The following CEACAM20 variants were observed in gnomAD, a reference collection of about 807,000 sequenced individuals.
CEACAM20 encodes CEA cell adhesion molecule 20, also known as cell adhesion molecule CEACAM20.
In CEACAM20, 50 loss-of-function variants were observed where a neutral mutation model predicts 61.2. That is an observed-to-expected ratio of 0.82 (90% CI 0.65 to 1.03). CEACAM20 has a LOEUF of 1.03. CEACAM20 is among the 50% of genes least tolerant of loss of function. The pLI, the probability that CEACAM20 is intolerant of heterozygous loss-of-function variation, is 0.00. For synonymous variants in CEACAM20, 282 were observed against 287.7 expected (o/e 0.98, Z 0.20); for missense variants, 683 against 736.4 (o/e 0.93, Z 0.84).
chr19:44,510,117 A>G (rs2123551014), intron 11 of CEACAM20, among the ~76,000 whole-genome samples: 1 of 152,276 alleles, frequency 6.6e-6, no homozygotes, highest in South Asian at 2.1e-4. Flanking sequence ...AATGGATAAA[A>G]TGCAATAGAA....
Position 44,529,671 on chromosome 19 carries a change from C to T in CEACAM20, c.-162G>A, listed in dbSNP as rs939267431. On this transcript the variant is annotated 5_prime_UTR_variant, in exon 1 of 12. Transcript: ENST00000614924. ...ACTGCAGTAACTGCAGCTCCCAGGA[C>T]AGACAGGGGTGGTGGCAGGAAAGTA... 3.3e-6 allele frequency: 2 copies of T among 604,158 alleles called. No homozygotes were observed. The highest frequency in any genetic ancestry group is 5.9e-6 in the Non-Finnish European group (2 of 341,544). 37.4% of individuals were successfully genotyped at this position (604,158 alleles called of 1,614,324 possible).
chr19:44,524,994 G>T, intron 2 of CEACAM20, 107 bp downstream of exon 2: 1 of 1,414,026 alleles, frequency 7.1e-7, no homozygotes, highest in Non-Finnish European at 9.7e-7. Flanking sequence ...CTGGACCCTG[G>T]CTGAGCCAAT....
intron 1 of CEACAM20, among the ~76,000 whole-genome samples, chr19:44,529,217 G>A (rs1448511333): frequency 2.6e-5 from 4 of 151,578 alleles, no homozygotes; most frequent in South Asian, 4.2e-4. Context: ...CACCCACCTC[G>A]GCCTCCCAAA....
rs28542853 is a variant in CEACAM20 at position 44,515,718 on chromosome 19, C to T, written c.1309+1228G>A. Among the ~76,000 whole-genome samples the T allele has an allele frequency of 8.9e-3, 1,348 of 152,152 alleles. 24 individuals are homozygous for T. Among genetic ancestry groups the T allele is most frequent in the African/African-American group, 0.03 (1,265 of 41,504 alleles). ...GTGGCTCAAGTCTGTAATCTCAGCA[C>T]GTTGGGAGGCTGAAGCGGGACGATC... On this transcript the variant is annotated intron_variant, in intron 6 of 11. Coordinates refer to ENST00000614924, the MANE Select transcript of CEACAM20 (RefSeq NM_001102597.3).
At position 44,529,636 on chromosome 19, in the gene CEACAM20, T is replaced by A. The variant is rs1971654261; in HGVS notation, c.-127A>T. The A allele has an allele frequency of 2.8e-6, 2 of 703,796 alleles. No homozygotes were observed. Among genetic ancestry groups the A allele is most frequent in the Non-Finnish European group, 4.9e-6 (2 of 407,500 alleles). The allele number at this position is 703,796 out of a possible 1,614,324, so 43.6% of individuals were successfully genotyped here. A position where few individuals can be genotyped will look rare whatever the true frequency, so the allele number is the denominator to read the frequency against. ...TCTCCTCTCCCACCCTGCTACAAAC[T>A]CACACACACACTGCAGTAACTGCAG... On this transcript the variant is annotated 5_prime_UTR_variant, in exon 1 of 12. Transcript: ENST00000614924.
intron 11 of CEACAM20, among the ~76,000 whole-genome samples, chr19:44,510,608 GAAA>G (rs766767904): frequency 0.049 from 3,835 of 78,850 alleles, 211 homozygotes; most frequent in African/African-American, 0.14. Context: ...AAGAAAGAAA[GAAA>G]AAGGAAGGAA....
At chr19:44,517,908 T>A (rs1004995783) in intron 5 of CEACAM20, among the ~76,000 whole-genome samples, 1 of 150,990 alleles carries the variant, frequency 6.6e-6, no homozygotes, top group African/African-American at 2.4e-5. Flanking sequence ...GCGAATCACG[T>A]CTCTACTGAA....
At chr19:44,516,911 C>T (rs370337537) in intron 6 of CEACAM20, 35 bp downstream of exon 6, 45 of 1,568,216 alleles carry the variant, frequency 2.9e-5, no homozygotes, top group Admixed American at 3.8e-5. Context: ...AAAGGCCCCT[C>T]GGGTCCTGGG....
Position 44,520,548 on chromosome 19 carries a change from G to A in CEACAM20, c.956C>T (p.Thr319Ile), listed in dbSNP as rs370728134. Residue 319 changes from threonine (T) to isoleucine (I), a missense_variant, in exon 5 of 12, where the codon ACC (threonine) becomes ATC (isoleucine). By Grantham distance (89) the Thr-to-Ile change is moderately conservative. Coordinates refer to ENST00000614924, the MANE Select transcript of CEACAM20 (RefSeq NM_001102597.3). ...LIIHGLQRND[T>I]GPYACEVWNW... is the part of the protein sequence containing the mutation. ...CCAGACCTCACAGGCATAGGGCCCG[G>A]TGTCATTCCGCTGGAGGCCATGGAT... 3.5e-5 allele frequency: 56 copies of A among 1,614,010 alleles called. No homozygotes were observed. In the Middle Eastern group the frequency reaches 8.3e-4, roughly 24 times the overall value.
intron 8 of CEACAM20, among the ~76,000 whole-genome samples, chr19:44,512,514 G>A (rs1971031914): frequency 6.6e-6 from 1 of 152,176 alleles, no homozygotes; most frequent in South Asian, 2.1e-4. Context: ...GAGGGCACTC[G>A]AGGCACTCTA....
intron 4 of CEACAM20, among the ~76,000 whole-genome samples, chr19:44,522,381 G>C (rs147285220): frequency 0.016 from 2,361 of 152,186 alleles, 56 homozygotes; most frequent in African/African-American, 0.054. Context: ...GGGATTACAG[G>C]CGTGAGCCAC....
rs1971654616 is a variant in CEACAM20 at position 44,529,654 on chromosome 19, A to T, written c.-145T>A. ...TACAAACTCACACACACACTGCAGT[A>T]ACTGCAGCTCCCAGGACAGACAGGG... On this transcript the variant is annotated 5_prime_UTR_variant, in exon 1 of 12. Coordinates refer to ENST00000614924, the MANE Select transcript of CEACAM20 (RefSeq NM_001102597.3). 3 of 655,246 alleles carry T rather than the reference A, an allele frequency of 4.6e-6. No homozygotes were observed. In the African/African-American group the frequency reaches 5.4e-5, roughly 12 times the overall value. 40.6% of individuals were successfully genotyped at this position (655,246 alleles called of 1,614,324 possible). A position where few individuals can be genotyped will look rare whatever the true frequency, so the allele number is the denominator to read the frequency against.
rs368576958 is a variant in CEACAM20, at chr19:44,511,077, G to A, written c.1690C>T (p.Leu564Phe). ...TTTGGCACAGTGGAGACCAATCTGA[G>A]TGGGGGCATCAGAGGTTTGGGTGGT... ...KPPPKPLMPPLRLVSTVPKNM... is the reference protein window; with the variant it reads ...KPPPKPLMPPFRLVSTVPKNM... Residue 564 changes from leucine (L) to phenylalanine (F), a missense_variant, in exon 11 of 12, where the codon CTC (leucine) becomes TTC (phenylalanine). Physicochemically the swap from Leu to Phe is conservative, Grantham distance 22 (BLOSUM62 0). Transcript: ENST00000614924. 1 of 1,613,882 alleles carries A rather than the reference G, an allele frequency of 6.2e-7. No homozygotes were observed. Among genetic ancestry groups the A allele is most frequent in the Non-Finnish European group, 8.5e-7 (1 of 1,179,876 alleles).
intron 4 of CEACAM20, among the ~76,000 whole-genome samples, chr19:44,521,804 T>C (rs928840628): frequency 3.3e-5 from 5 of 152,156 alleles, no homozygotes; most frequent in Admixed American, 6.5e-5. Context: ...ATGAGTTGTG[T>C]TTACTGTGTG....
chr19:44,522,339 G>A (rs1373044143), intron 4 of CEACAM20, among the ~76,000 whole-genome samples: 2 of 151,950 alleles, frequency 1.3e-5, no homozygotes, highest in African/African-American at 2.4e-5. Flanking sequence ...TCCTAACCTC[G>A]TGATCTGCCC....
intron 2 of CEACAM20, 28 bp from the exon 3 acceptor site, chr19:44,524,289 A>G: frequency 6.3e-7 from 1 of 1,598,334 alleles, no homozygotes; most frequent in Non-Finnish European, 8.5e-7. Context: ...AGACAGAGGC[A>G]GAGACACAGG....
At chr19:44,510,547 G>GGAAA (rs770702249) in intron 11 of CEACAM20, among the ~76,000 whole-genome samples, 1,834 of 52,666 alleles carry the variant, frequency 0.035, 45 homozygotes, top group Non-Finnish European at 0.042. Context: ...AAGGAAGGAA[G>GGAAA]GAAAGAAAGA....
Position 44,516,815 on chromosome 19 carries a change from G to A in CEACAM20, c.1309+131C>T. Reference sequence around the variant, plus strand: ...TAGGGGTTGGGATTCAACAGCTGTGGACTGAGAACCTGCTCAGGCAGTGTG... The same window carrying A: ...TAGGGGTTGGGATTCAACAGCTGTGAACTGAGAACCTGCTCAGGCAGTGTG... On this transcript the variant is annotated intron_variant, in intron 6 of 11. Coordinates refer to ENST00000614924, the MANE Select transcript of CEACAM20 (RefSeq NM_001102597.3). 5 of 985,642 alleles carry A rather than the reference G, an allele frequency of 5.1e-6. No homozygotes were observed. The Admixed American group carries it at 7.3e-5, about 14-fold the overall frequency. 61.1% of individuals were successfully genotyped at this position (985,642 alleles called of 1,614,324 possible).
chr19:44,526,968 T>C (rs1971549025), intron 1 of CEACAM20, among the ~76,000 whole-genome samples: 1 of 151,710 alleles, frequency 6.6e-6, no homozygotes, highest in African/African-American at 2.4e-5. Flanking sequence ...ATCTCTCCCA[T>C]GAGCTCAATT....
Sources: allele counts gnomAD v4.1 joint callset (sites outside exome capture counted in the v4.1 genomes callset), GRCh38; gene constraint gnomAD v4.1.1; transcripts MANE v1.5; gene names NCBI Gene and HGNC (gene_info 2026-07-23, HGNC 2026-07-21).